ZNF91: variants seen among roughly 807,000 people sequenced by gnomAD.
ZNF91 encodes the protein zinc finger protein 91 (HPF7, HTF10).
A neutral mutation model predicts 12.6 loss-of-function variants in ZNF91; 7 were observed. The observed-to-expected ratio is 0.55, with a 90% CI of 0.31 to 1.04. ZNF91 has a LOEUF of 1.04. Among genes scored for constraint, ZNF91 ranks in the 50% least tolerant of loss-of-function variants. ZNF91 has a pLI of 0.05. For synonymous variants in ZNF91, 453 were observed against 462.6 expected (o/e 0.98, Z 0.27); for missense variants, 1,217 against 1,385.4 (o/e 0.88, Z 1.93).
downstream of ZNF91, among the ~76,000 whole-genome samples, chr19:23,355,591 A>C (rs1047816566): frequency 1.3e-5 from 2 of 152,242 alleles, no homozygotes; most frequent in African/African-American, 4.8e-5. Context: ...ATAAAAACAA[A>C]GATAAATAGC....
chr19:23,305,758 C>T (rs1217069956), intron 3 of ZNF91, among the ~76,000 whole-genome samples: 3 of 152,158 alleles, frequency 2.0e-5, no homozygotes, highest in Non-Finnish European at 2.9e-5. Flanking sequence ...TCAAGACTGG[C>T]CCCCAGTGGT....
intron 1 of ZNF91, among the ~76,000 whole-genome samples, chr19:23,318,823 G>A (rs950855338): frequency 2.0e-5 from 3 of 152,156 alleles, no homozygotes; most frequent in African/African-American, 7.2e-5. Context: ...ATGTATCTCT[G>A]GGCCCATTAC....
At chr19:23,388,565 A>T (rs558242149) in intron 1 of ZNF91, among the ~76,000 whole-genome samples, 3 of 152,146 alleles carry the variant, frequency 2.0e-5, no homozygotes, top group South Asian at 2.1e-4. Flanking sequence ...GCTGGAGACC[A>T]TTATTCTTGG....
intron 3 of ZNF91, among the ~76,000 whole-genome samples, chr19:23,343,272 A>G (rs1490010907): frequency 6.6e-6 from 1 of 152,186 alleles, no homozygotes; most frequent in African/African-American, 2.4e-5. Context: ...AGATTTTGTT[A>G]AAATATGGAT....
At chr19:23,355,273 A>C (rs534804204), downstream of ZNF91, among the ~76,000 whole-genome samples, 76 of 152,344 alleles carry the variant, frequency 5.0e-4, no homozygotes, top group South Asian at 0.012. Flanking sequence ...ACATAGACCA[A>C]TGGAACAGAG....
At chr19:23,336,674 TA>T (rs1968014713), downstream of ZNF91, among the ~76,000 whole-genome samples, 1 of 152,224 alleles carries the variant, frequency 6.6e-6, no homozygotes, top group Non-Finnish European at 1.5e-5. Context: ...TGCTCTTTGT[TA>T]AAAAGAAATA....
intron 1 of ZNF91, among the ~76,000 whole-genome samples, chr19:23,382,838 A>C (rs11669071): frequency 0.19 from 28,637 of 152,176 alleles, 2,917 homozygotes; most frequent in Non-Finnish European, 0.21. Context: ...GATGAACAAG[A>C]AGCTCAAAAA....
chr19:23,333,488 CAGG>C (rs765633732), intron 1 of ZNF91, among the ~76,000 whole-genome samples: 11 of 152,150 alleles, frequency 7.2e-5, no homozygotes, highest in Non-Finnish European at 1.2e-4. Context: ...GCTTTTTAAG[CAGG>C]AGGAGCCACA....
Position 23,362,578 on chromosome 19 carries a change from A to C in ZNF91, c.401T>G (p.Val134Gly). 6.2e-7 allele frequency: 1 copy of C among 1,600,822 alleles called. No homozygotes were observed. The change falls in exon 4 of 4, where the codon GTG (valine) becomes GGG (glycine). Residue 134 changes from valine to glycine, a missense_variant. By Grantham distance (109) the Val-to-Gly change is moderately radical (BLOSUM62 -3). Around this residue, in one of 2 missense-constraint regions of ZNF91, gnomAD observed 726 missense variants for 895.5 expected, o/e 0.81. Transcript: ENST00000300619. ...AAGTTTATTATAACCTTCTTTGTGC[A>C]CCTTACACTCATCCACACTTTTACA... is the stretch of plus-strand genomic sequence containing the variant. Reference protein sequence around the residue: ...KGCKSVDECKVHKEGYNKLNQ... With the variant: ...KGCKSVDECKGHKEGYNKLNQ...
Position 23,360,452 on chromosome 19 carries a change from T to C in ZNF91, c.2527A>G (p.Lys843Glu), listed in dbSNP as rs781499640. ...KAFKHSSALA[K>E]HKIIHAGEKL... is the part of the protein sequence containing the mutation. Reference sequence around the variant, plus strand: ...TCTCCAGCATGTATTATTTTATGTTTAGCAAGGGCTGAGGAGTGCTTAAAA... The same window carrying C: ...TCTCCAGCATGTATTATTTTATGTTCAGCAAGGGCTGAGGAGTGCTTAAAA... Residue 843 changes from lysine to glutamate, a missense_variant, in exon 4 of 4, where the codon AAA becomes GAA. By Grantham distance (56) the Lys-to-Glu change is moderately conservative. Coordinates refer to ENST00000300619, the MANE Select transcript of ZNF91 (RefSeq NM_003430.4). 1 of 1,613,998 alleles carries C rather than the reference T, an allele frequency of 6.2e-7. No individual in the cohort carries two copies. The highest frequency in any genetic ancestry group is 8.5e-7 in the Non-Finnish European group (1 of 1,179,976).
chr19:23,308,108 G>T (rs1245035905), intron 2 of ZNF91: 3 of 152,134 alleles, frequency 2.0e-5, no homozygotes, highest in Non-Finnish European at 4.4e-5. Flanking sequence ...CAGGTGATGT[G>T]CCTCTCGTTT....
At chr19:23,366,025 T>C (rs548891608) in intron 3 of ZNF91, among the ~76,000 whole-genome samples, 1 of 152,326 alleles carries the variant, frequency 6.6e-6, no homozygotes, top group Non-Finnish European at 1.5e-5. Flanking sequence ...CCTTTCCCCC[T>C]CCTCTATTCC....
chr19:23,362,853 G>A, intron 3 of ZNF91, 128 bp from the exon 4 acceptor site: 1 of 1,218,644 alleles, frequency 8.2e-7, no homozygotes, highest in Non-Finnish European at 1.0e-6. Flanking sequence ...AATACCACAG[G>A]CCCTAATTCT....
At chr19:23,345,013 G>A (rs1185915952) in intron 3 of ZNF91, among the ~76,000 whole-genome samples, 1 of 152,174 alleles carries the variant, frequency 6.6e-6, no homozygotes, top group Non-Finnish European at 1.5e-5. Context: ...AGTTAACAGG[G>A]AAAAATCCAC....
chr19:23,348,135 A>C (rs1968275254), intron 3 of ZNF91, among the ~76,000 whole-genome samples: 1 of 152,066 alleles, frequency 6.6e-6, no homozygotes, highest in African/African-American at 2.4e-5. Flanking sequence ...GAAAAAAATT[A>C]CCTCTCTTGT....
chr19:23,377,654 T>C (rs1237126905), intron 1 of ZNF91, among the ~76,000 whole-genome samples: 5 of 152,194 alleles, frequency 3.3e-5, no homozygotes, highest in African/African-American at 9.6e-5. Context: ...ATACTTCTGA[T>C]ACAAATGAAG....
Position 23,359,803 on chromosome 19 carries a change from A to G in ZNF91, c.3176T>C (p.Phe1059Ser). The G allele has an allele frequency of 6.2e-7, 1 of 1,613,752 alleles. No homozygotes were observed. Among genetic ancestry groups the G allele is most frequent in the Non-Finnish European group, 8.5e-7 (1 of 1,179,956 alleles). ...PYKCEECGKA[F>S]ISSSTLNGHK... Reference sequence around the variant, plus strand: ...TCCATTTAGGGTTGAGGATGATATAAATGCTTTGCCACATTCTTCACACTT... The same window carrying G: ...TCCATTTAGGGTTGAGGATGATATAGATGCTTTGCCACATTCTTCACACTT... The change falls in exon 4 of 4, where the codon TTT becomes TCT. Residue 1059 changes from phenylalanine to serine, a missense_variant. By Grantham distance (155) the Phe-to-Ser change is radical (BLOSUM62 -2). Transcript: ENST00000300619.
intron 3 of ZNF91, among the ~76,000 whole-genome samples, chr19:23,343,807 C>A (rs935941397): frequency 6.6e-6 from 1 of 152,208 alleles, no homozygotes; most frequent in Non-Finnish European, 1.5e-5. Flanking sequence ...ACCCACCACT[C>A]GCCCACTGAC....
At position 23,373,814 on chromosome 19, in the gene ZNF91, G is replaced by A; in HGVS notation, c.181C>T (p.Leu61=). 6.8e-6 allele frequency: 11 copies of A among 1,609,928 alleles called. No homozygotes were observed. Among genetic ancestry groups the A allele is most frequent in the Non-Finnish European group, 8.5e-6 (10 of 1,177,912 alleles). The change falls in exon 3 of 4, where the codon CTG becomes TTG. Residue 61 remains leucine, a synonymous_variant. Coordinates refer to ENST00000300619, the MANE Select transcript of ZNF91 (RefSeq NM_003430.4). ...TTTCCTTGCTCCAGATAAGTAATCA[G>A]GTCTGGCTTAGAGAGAGCAATACCT... ...FLGIALSKPD[L]ITYLEQGKEP...
Sources: allele counts gnomAD v4.1 joint callset (sites outside exome capture counted in the v4.1 genomes callset), GRCh38; gene constraint gnomAD v4.1.1; regional missense constraint gnomAD v4.1.1; transcripts MANE v1.5; gene names NCBI Gene and HGNC (gene_info 2026-07-23, HGNC 2026-07-21).